FBXO4: variants seen among roughly 807,000 people sequenced by gnomAD.
FBXO4 encodes the protein F-box protein 4, also known as F-box only protein 4.
In FBXO4, 36 loss-of-function variants were observed where a neutral mutation model predicts 43.7. That is an observed-to-expected ratio of 0.82 (90% CI 0.63 to 1.09). FBXO4 has a LOEUF of 1.09. Ranked by LOEUF, FBXO4 falls within the 50% of genes least tolerant of loss-of-function variation. The pLI, the probability that FBXO4 is intolerant of heterozygous loss-of-function variation, is 0.00. For synonymous variants in FBXO4, 180 were observed against 165.6 expected, an observed-to-expected ratio of 1.09 and a Z score of -0.67; for missense variants, 435 against 474.1, an observed-to-expected ratio of 0.92 and a Z score of 0.77.
chr5:41,968,709 A>G, the FBXO4 span, among the ~76,000 whole-genome samples: 2 of 151,448 alleles, frequency 1.3e-5, no homozygotes, highest in African/African-American at 4.9e-5. Flanking sequence ...TAAGTATTCG[A>G]TTTTTTTTTC....
the FBXO4 span, among the ~76,000 whole-genome samples, chr5:42,014,179 C>T: frequency 1.3e-5 from 2 of 152,098 alleles, no homozygotes; most frequent in Non-Finnish European, 2.9e-5. Flanking sequence ...CTCACTTCTT[C>T]GTACTCAGGG....
At chr5:41,970,821 T>G in the FBXO4 span, among the ~76,000 whole-genome samples, 1 of 151,894 alleles carries the variant, frequency 6.6e-6, no homozygotes, top group Non-Finnish European at 1.5e-5. Context: ...ATACAGAATA[T>G]AGACTATAGA....
At chr5:42,039,955 AT>A in the FBXO4 span, among the ~76,000 whole-genome samples, 11 of 152,078 alleles carry the variant, frequency 7.2e-5, no homozygotes, top group Admixed American at 5.9e-4. Context: ...GAGGAAATGC[AT>A]TCTGCTAACA....
chr5:42,037,744 G>A, the FBXO4 span, among the ~76,000 whole-genome samples: 1 of 152,052 alleles, frequency 6.6e-6, no homozygotes, highest in Admixed American at 6.6e-5. Context: ...ACTCAGCAAA[G>A]AATGTAGTTT....
chr5:41,935,972 A>T (rs1287870432), intron 5 of FBXO4, among the ~76,000 whole-genome samples: 2 of 152,252 alleles, frequency 1.3e-5, no homozygotes, highest in Non-Finnish European at 2.9e-5. Context: ...TACAAAGTTA[A>T]CTATAGCAAT....
At chr5:41,957,095 G>C in the FBXO4 span, among the ~76,000 whole-genome samples, 2 of 151,874 alleles carry the variant, frequency 1.3e-5, no homozygotes, top group Non-Finnish European at 2.9e-5. Flanking sequence ...GGTTTTCTTT[G>C]TATTTACTAT....
the FBXO4 span, among the ~76,000 whole-genome samples, chr5:42,027,670 G>T: frequency 6.6e-6 from 1 of 151,674 alleles, no homozygotes; most frequent in African/African-American, 2.4e-5. Flanking sequence ...TTTTGATGTA[G>T]GCACTGATAA....
chr5:42,028,762 C>T, the FBXO4 span, among the ~76,000 whole-genome samples: 8 of 151,486 alleles, frequency 5.3e-5, no homozygotes, highest in Non-Finnish European at 1.0e-4. Flanking sequence ...TTATTTTAAC[C>T]TGATAACAAC....
At chr5:41,946,719 A>T (rs529537385), downstream of FBXO4, among the ~76,000 whole-genome samples, 92 of 152,344 alleles carry the variant, frequency 6.0e-4, no homozygotes, top group African/African-American at 2.2e-3. Flanking sequence ...AAAAACAAGA[A>T]GTCAAGCCTT....
At chr5:41,932,867 A>T (rs1000765572) in intron 3 of FBXO4, among the ~76,000 whole-genome samples, 1 of 152,212 alleles carries the variant, frequency 6.6e-6, no homozygotes. Flanking sequence ...AGGAGGCAAA[A>T]GGAGAACCAG....
the FBXO4 span, among the ~76,000 whole-genome samples, chr5:41,996,339 T>C: frequency 5.9e-5 from 9 of 152,134 alleles, no homozygotes; most frequent in Non-Finnish European, 2.9e-5. Flanking sequence ...ACGTTCAGTT[T>C]CCACCAAAGC....
chr5:41,984,475 G>A, the FBXO4 span, among the ~76,000 whole-genome samples: 1 of 152,142 alleles, frequency 6.6e-6, no homozygotes, highest in South Asian at 2.1e-4. Flanking sequence ...TTATATTACA[G>A]GGACATAAGG....
downstream of FBXO4, among the ~76,000 whole-genome samples, chr5:41,943,615 A>G (rs1325116606): frequency 6.6e-6 from 1 of 152,142 alleles, no homozygotes; most frequent in Non-Finnish European, 1.5e-5. Context: ...CAACTATTTT[A>G]TAGGTATGTT....
chr5:42,034,173 T>C, the FBXO4 span, among the ~76,000 whole-genome samples: 3 of 152,342 alleles, frequency 2.0e-5, no homozygotes, highest in South Asian at 4.1e-4. Context: ...TTTTGAGAAG[T>C]GTCTGTTCAT....
chr5:41,926,079 T>C (rs547909212), intron 1 of FBXO4, among the ~76,000 whole-genome samples: 2 of 152,318 alleles, frequency 1.3e-5, no homozygotes, highest in South Asian at 2.1e-4. Flanking sequence ...ACATAACTTA[T>C]TGTTAAACTT....
the FBXO4 span, among the ~76,000 whole-genome samples, chr5:42,013,375 A>G: frequency 2.6e-5 from 4 of 151,966 alleles, no homozygotes; most frequent in African/African-American, 9.7e-5. Context: ...AAAGTTGAAC[A>G]TATTTCTTTT....
chr5:41,929,658 T>C, intron 2 of FBXO4, 39 bp from the exon 3 acceptor site: 1 of 1,464,478 alleles, frequency 6.8e-7, no homozygotes, highest in Non-Finnish European at 9.3e-7. Context: ...AACTGGCTGT[T>C]TTCTGTGTTA....
the FBXO4 span, among the ~76,000 whole-genome samples, chr5:41,970,720 T>G: frequency 6.6e-6 from 1 of 152,004 alleles, no homozygotes; most frequent in African/African-American, 2.4e-5. Context: ...TATGTGACAT[T>G]GGGTATGATG....
chr5:41,966,669 A>C, the FBXO4 span, among the ~76,000 whole-genome samples: 199 of 152,182 alleles, frequency 1.3e-3, no homozygotes, highest in African/African-American at 4.2e-3. Context: ...ACGTATATAG[A>C]TTATTTTTTT....
Sources: gnomAD v4.1 joint callset for allele counts (sites outside exome capture counted in the v4.1 genomes callset) on GRCh38, gnomAD v4.1.1 for gene constraint, MANE v1.5 for transcripts, NCBI Gene and HGNC (gene_info 2026-07-23, HGNC 2026-07-21) for gene names.